Variants in RNF20 observed in about 807,000 individuals in gnomAD.
The protein encoded by RNF20 is E3 ubiquitin-protein ligase BRE1A.
RNF20 carries 84 observed loss-of-function variants against 126.2 expected under a neutral mutation model. The observed-to-expected ratio is 0.67, with a 90% CI of 0.56 to 0.80. The LOEUF (loss-of-function observed/expected upper bound fraction) is 0.80. Ranked by LOEUF, RNF20 falls within the 30% of genes least tolerant of loss-of-function variation. The pLI is 0.00. For missense variants in RNF20, 869 were observed against 1,188.2 expected (o/e 0.73, Z 3.95); for synonymous variants, 400 against 414.3 (o/e 0.97, Z 0.42).
chr9:101,556,995 C>A (rs1405266785), intron 15 of RNF20, among the ~76,000 whole-genome samples: 1 of 152,132 alleles, frequency 6.6e-6, no homozygotes, highest in Non-Finnish European at 1.5e-5. Context: ...CAGATTGTTA[C>A]AAGGCTTTAG....
At chr9:101,543,577 T>C (rs1011569167) in intron 5 of RNF20, among the ~76,000 whole-genome samples, 1 of 151,350 alleles carries the variant, frequency 6.6e-6, no homozygotes, top group African/African-American at 2.4e-5. Flanking sequence ...CTGTCTAACC[T>C]GCCAGAGCGG....
chr9:101,562,179 G>C, intron 19 of RNF20, 67 bp from the exon 20 acceptor site: 1 of 1,526,604 alleles, frequency 6.6e-7, no homozygotes, highest in East Asian at 2.3e-5. Flanking sequence ...TGGTTGTGTA[G>C]TATATGAGAG....
Position 101,552,379 on chromosome 9 carries a change from C to T in RNF20, c.1531-4C>T. ...GTGCATCTTTCTTTTCTTTATTCTC[C>T]CAGACACGCCTGCGTAGTGGTAGTG... On this transcript the variant is annotated splice_polypyrimidine_tract_variant and splice_region_variant and intron_variant, in intron 12 of 19. Coordinates refer to ENST00000389120, the MANE Select transcript of RNF20 (RefSeq NM_019592.7). 6.2e-7 allele frequency: 1 copy of T among 1,605,194 alleles called. No homozygotes were observed.
intron 6 of RNF20, among the ~76,000 whole-genome samples, chr9:101,546,119 G>A (rs1449709370): frequency 2.0e-5 from 3 of 152,186 alleles, no homozygotes; most frequent in Non-Finnish European, 2.9e-5. Context: ...CCAGATTCAA[G>A]AGGAGGGAAC....
At chr9:101,535,123 G>A (rs983648324) in intron 1 of RNF20, among the ~76,000 whole-genome samples, 1 of 151,914 alleles carries the variant, frequency 6.6e-6, no homozygotes, top group Non-Finnish European at 1.5e-5. Context: ...TAGGCAGGAT[G>A]GTCTCGATCT....
intron 1 of RNF20, among the ~76,000 whole-genome samples, chr9:101,534,796 C>T (rs1302799358): frequency 6.6e-6 from 1 of 152,076 alleles, no homozygotes; most frequent in African/African-American, 2.4e-5. Context: ...AGAGAGATTC[C>T]AGAACTTTAT....
In RNF20 at chr9:101,550,884, T is replaced by A; in HGVS notation, c.1272+99T>A. On this transcript the variant is annotated intron_variant, in intron 10 of 19. Coordinates refer to ENST00000389120, the MANE Select transcript of RNF20 (RefSeq NM_019592.7). The stretch of plus-strand genomic sequence containing the variant: ...GCAATTAATCTCTCATTCATTCAGC[T>A]GTCATTCATAGAGTGGCAGTAGGTC... 6.3e-6 allele frequency: 7 copies of A among 1,108,338 alleles called. No homozygotes were observed. In the Middle Eastern group the frequency reaches 5.9e-4, roughly 94 times the overall value. The allele number at this position is 1,108,338 out of a possible 1,614,324, so 68.7% of individuals were successfully genotyped here.
chr9:101,553,139 A>G (rs1827476766), intron 13 of RNF20, among the ~76,000 whole-genome samples: 1 of 152,202 alleles, frequency 6.6e-6, no homozygotes, highest in Non-Finnish European at 1.5e-5. Flanking sequence ...ATATCACTGT[A>G]ACTTGAACAA....
chr9:101,553,607 A>G (rs757547409), intron 13 of RNF20, among the ~76,000 whole-genome samples: 28 of 151,092 alleles, frequency 1.9e-4, no homozygotes, highest in Non-Finnish European at 3.8e-4. Flanking sequence ...CTGGTGTGGT[A>G]TCAGAATCAT....
intron 16 of RNF20, among the ~76,000 whole-genome samples, chr9:101,557,937 CTG>C (rs1827562624): frequency 6.6e-6 from 1 of 150,928 alleles, no homozygotes; most frequent in Non-Finnish European, 1.5e-5. Flanking sequence ...GCATGAGAAA[CTG>C]TTAGAATTGT....
chr9:101,555,291 A>C (rs1045357735), intron 15 of RNF20, among the ~76,000 whole-genome samples: 2 of 151,924 alleles, frequency 1.3e-5, no homozygotes, highest in Admixed American at 6.6e-5. Context: ...ACACAGAAAA[A>C]CTATGCTTAT....
chr9:101,561,172 A>G lies in RNF20; in HGVS notation c.2591A>G (p.Glu864Gly), dbSNP rs755188219. ...AQKKLHDFQDEIVENSVTKEK... is the reference protein window; with the variant it reads ...AQKKLHDFQDGIVENSVTKEK... ...AAGAAGCTACATGATTTTCAGGATG[A>G]GATCGTGGAGAACAGTGTTACCAAA... is the stretch of plus-strand genomic sequence containing the variant. Residue 864 changes from glutamate (E) to glycine (G), a missense_variant, in exon 18 of 20, where the codon GAG (glutamate) becomes GGG (glycine). Coordinates refer to ENST00000389120, the MANE Select transcript of RNF20 (RefSeq NM_019592.7). The G allele has an allele frequency of 1.2e-6, 2 of 1,613,864 alleles. No homozygotes were observed. The highest frequency in any genetic ancestry group is 1.7e-6 in the Non-Finnish European group (2 of 1,179,866).
intron 9 of RNF20, among the ~76,000 whole-genome samples, chr9:101,548,447 TAAGAG>T (rs1200445229): frequency 6.6e-6 from 1 of 152,188 alleles, no homozygotes; most frequent in African/African-American, 2.4e-5. Flanking sequence ...TGAAATATGC[TAAGAG>T]TAGATCTTAA....
rs556189206 is a variant in RNF20, at chr9:101,549,330, A to T, written c.1093-1276A>T. Among the ~76,000 whole-genome samples the T allele has an allele frequency of 5.1e-4, 78 of 152,288 alleles. 1 individual carries two copies. The South Asian group carries it at 0.015, about 29-fold the overall frequency. On this transcript the variant is annotated intron_variant, in intron 9 of 19. Transcript: ENST00000389120. ...TCCCTGCCTGGCAGCCGAGGCATAG[A>T]GAGAGAGGAGACAGAGAGAGAAACA...
chr9:101,542,582 G>C (rs1316493317), intron 5 of RNF20, among the ~76,000 whole-genome samples: 2 of 152,088 alleles, frequency 1.3e-5, no homozygotes, highest in South Asian at 2.1e-4. Flanking sequence ...ATAAAATAAT[G>C]GTGCTTTGTG....
chr9:101,538,535 C>G (rs931374994), intron 2 of RNF20, among the ~76,000 whole-genome samples: 4 of 152,068 alleles, frequency 2.6e-5, no homozygotes, highest in African/African-American at 9.7e-5. Context: ...ATATTCATCC[C>G]TCTCTGGCTT....
At chr9:101,553,231 A>G (rs985418828) in intron 13 of RNF20, among the ~76,000 whole-genome samples, 2 of 152,186 alleles carry the variant, frequency 1.3e-5, no homozygotes. Flanking sequence ...ATACACATTG[A>G]CACACTAAGA....
chr9:101,562,130 A>C lies in RNF20; in HGVS notation c.2752-116A>C. On this transcript the variant is annotated intron_variant, in intron 19 of 19. Coordinates refer to ENST00000389120, the MANE Select transcript of RNF20 (RefSeq NM_019592.7). ...TGGTTTATTTTGGAGGTTGGGGGGA[A>C]ATGATGCTCTTTTTTTAGTGCCTTG... 3 of 1,318,000 alleles carry C rather than the reference A, an allele frequency of 2.3e-6. No individual in the cohort carries two copies. The East Asian group carries it at 7.0e-5, about 31-fold the overall frequency. The allele number at this position is 1,318,000 out of a possible 1,614,324, so 81.6% of individuals were successfully genotyped here. A position where few individuals can be genotyped will look rare whatever the true frequency, so the allele number is the denominator to read the frequency against.
chr9:101,555,002 TTTATC>T (rs1165532533), intron 15 of RNF20, among the ~76,000 whole-genome samples, 159 bp downstream of exon 15: 1 of 152,194 alleles, frequency 6.6e-6, no homozygotes, highest in East Asian at 1.9e-4. Context: ...CTTCAAGTCT[TTTATC>T]TTTCTGTTAT....
Sources: gnomAD v4.1 joint callset for allele counts (sites outside exome capture counted in the v4.1 genomes callset) on GRCh38, gnomAD v4.1.1 for gene constraint, MANE v1.5 for transcripts, NCBI Gene and HGNC (gene_info 2026-07-23, HGNC 2026-07-21) for gene names.